Variants in NRF1 observed in about 807,000 individuals in gnomAD.
NRF1 encodes the protein nuclear respiratory factor 1.
NRF1 carries 5 observed loss-of-function variants against 58.5 expected under a neutral mutation model. The observed-to-expected ratio is 0.09, with a 90% CI of 0.04 to 0.18. The LOEUF (loss-of-function observed/expected upper bound fraction) is 0.18. Among genes scored for constraint, NRF1 ranks in the 10% least tolerant of loss-of-function variants. The pLI, the probability that NRF1 is intolerant of heterozygous loss-of-function variation, is 1.00. For synonymous variants in NRF1, 224 were observed against 246.7 expected (o/e 0.91, Z 0.86); for missense variants, 288 against 657.7 (o/e 0.44, Z 6.15).
chr7:129,740,407 TAGGGCC>T (rs1246289655), intron 10 of NRF1, among the ~76,000 whole-genome samples: 4 of 152,216 alleles, frequency 2.6e-5, no homozygotes, highest in Non-Finnish European at 1.5e-5. Context: ...CACATATGCT[TAGGGCC>T]AGGGCCAGTG....
intron 5 of NRF1, among the ~76,000 whole-genome samples, chr7:129,691,361 A>ATTTTTTTTTTTTTTTTTT (rs752895743): frequency 1.1e-5 from 1 of 90,884 alleles, no homozygotes; most frequent in Non-Finnish European, 2.2e-5. Context: ...TATTATTATT[A>ATTTTTTTTTTTTTTTTTT]TTATTTTTTT....
chr7:129,640,798 CACAATTTGGAAAATGAGA>C lies in NRF1; in HGVS notation c.-6-16544_-6-16527del, dbSNP rs373515081. Among the ~76,000 whole-genome samples, 512 of 152,204 alleles carry C rather than the reference CACAATTTGGAAAATGAGA, an allele frequency of 3.4e-3. 1 individual carries two copies. The highest frequency in any genetic ancestry group is 0.012 in the African/African-American group (479 of 41,506). On this transcript the variant is annotated intron_variant, in intron 1 of 10. Transcript: ENST00000393232. The stretch of plus-strand genomic sequence containing the variant: ...GGTAACTCACTGGGTCTTTCTTGGT[CACAATTTGGAAAATGAGA>C]ACATCAAACTAGTCTCCAAAGTCTT...
At chr7:129,619,409 TATATATATATATATATATATATATACAC>T (rs1800725968) in intron 1 of NRF1, among the ~76,000 whole-genome samples, 1 of 93,576 alleles carries the variant, frequency 1.1e-5, no homozygotes, top group African/African-American at 5.9e-5. Flanking sequence ...TATATATATA[TATATATATATATATATATATATATACAC>T]ACACACACAC....
intron 4 of NRF1, among the ~76,000 whole-genome samples, chr7:129,683,272 T>C (rs944383707): frequency 1.3e-5 from 2 of 148,762 alleles, no homozygotes; most frequent in Non-Finnish European, 1.5e-5. Flanking sequence ...AAGAAAAAAA[T>C]TTCAATCATG....
chr7:129,689,561 A>G (rs543755008), intron 4 of NRF1, among the ~76,000 whole-genome samples: 2 of 152,328 alleles, frequency 1.3e-5, no homozygotes, highest in African/African-American at 4.8e-5. Context: ...CCAGGCATTC[A>G]GATGAACCCA....
In NRF1 at chr7:129,617,575, C is replaced by T. The variant is rs114196450; in HGVS notation, c.-7+5751C>T. Among the ~76,000 whole-genome samples the T allele has an allele frequency of 7.6e-3, 1,161 of 152,288 alleles. 16 individuals carry two copies. Among genetic ancestry groups the T allele is most frequent in the African/African-American group, 0.027 (1,105 of 41,538 alleles). ...ACGATGATTAAAGATATACCACATT[C>T]TGGGCATGTACTAGGTGCTAGAGTA... is the stretch of plus-strand genomic sequence containing the variant. On this transcript the variant is annotated intron_variant, in intron 1 of 10. Coordinates refer to ENST00000393232, the MANE Select transcript of NRF1 (RefSeq NM_005011.5).
chr7:129,642,274 G>A (rs762559290), intron 1 of NRF1, among the ~76,000 whole-genome samples: 11 of 152,014 alleles, frequency 7.2e-5, no homozygotes, highest in African/African-American at 1.4e-4. Flanking sequence ...GTGAGCCACC[G>A]CGCCCAGCCA....
chr7:129,660,551 G>A (rs1801756683), intron 2 of NRF1, among the ~76,000 whole-genome samples: 1 of 150,860 alleles, frequency 6.6e-6, no homozygotes, highest in Non-Finnish European at 1.5e-5. Flanking sequence ...AAGGGCTACA[G>A]GCCCCATGCA....
At chr7:129,624,871 G>A (rs528042362) in intron 1 of NRF1, among the ~76,000 whole-genome samples, 4 of 152,080 alleles carry the variant, frequency 2.6e-5, no homozygotes, top group Admixed American at 6.5e-5. Context: ...TGTCCGAGTC[G>A]TCCCTATTTT....
chr7:129,635,660 C>CT (rs911027592), intron 1 of NRF1, among the ~76,000 whole-genome samples: 1 of 152,104 alleles, frequency 6.6e-6, no homozygotes, highest in African/African-American at 2.4e-5. Flanking sequence ...GGGGTGGAAT[C>CT]TTTTTTTGTT....
intron 10 of NRF1, among the ~76,000 whole-genome samples, chr7:129,729,620 A>G (rs1312494145): frequency 2.6e-5 from 4 of 152,258 alleles, no homozygotes; most frequent in African/African-American, 7.2e-5. Context: ...TGGGAATCCA[A>G]AGAATGAATC....
chr7:129,661,557 A>C (rs574402621), intron 2 of NRF1, among the ~76,000 whole-genome samples: 9 of 151,040 alleles, frequency 6.0e-5, no homozygotes, highest in Non-Finnish European at 1.0e-4. Flanking sequence ...GGCAGGGGCA[A>C]AATGCCACCA....
chr7:129,745,497 T>TCCCCCCCCACCCC (rs1554417756), intron 10 of NRF1, among the ~76,000 whole-genome samples: 1 of 78,130 alleles, frequency 1.3e-5, no homozygotes, highest in Non-Finnish European at 2.8e-5. Context: ...CCCCAAACCA[T>TCCCCCCCCACCCC]CCCCCTCAAC....
chr7:129,663,532 G>A (rs1367165140), intron 2 of NRF1, among the ~76,000 whole-genome samples: 6 of 151,222 alleles, frequency 4.0e-5, no homozygotes, highest in African/African-American at 1.5e-4. Flanking sequence ...CCCAGACGGG[G>A]TGGCCGGGCA....
At chr7:129,626,342 G>A (rs779491182) in intron 1 of NRF1, among the ~76,000 whole-genome samples, 2 of 152,154 alleles carry the variant, frequency 1.3e-5, no homozygotes, top group Admixed American at 6.5e-5. Flanking sequence ...AGGCTGCAGT[G>A]GCTCCGATTT....
At chr7:129,660,280 TTATTC>T (rs1801750697) in intron 2 of NRF1, among the ~76,000 whole-genome samples, 2 of 150,332 alleles carry the variant, frequency 1.3e-5, no homozygotes, top group African/African-American at 5.0e-5. Flanking sequence ...CCAAACCATA[TTATTC>T]CACCCCTGGC....
In NRF1 at chr7:129,703,665, A is replaced by AC. The variant is rs563114484; in HGVS notation, c.607-5409dup. Among the ~76,000 whole-genome samples, 332 of 152,334 alleles carry AC rather than the reference A, an allele frequency of 2.2e-3. 1 individual carries two copies. The highest frequency in any genetic ancestry group is 7.0e-3 in the African/African-American group (290 of 41,576). ...TTCCCAAAATGTACACACCTGAAAA[A>AC]CAAACTCTTATAGTAGAAAATACCT... On this transcript the variant is annotated intron_variant, in intron 5 of 10. Coordinates refer to ENST00000393232, the MANE Select transcript of NRF1 (RefSeq NM_005011.5).
chr7:129,709,659 A>G (rs1803025823), intron 6 of NRF1, among the ~76,000 whole-genome samples: 1 of 152,138 alleles, frequency 6.6e-6, no homozygotes, highest in African/African-American at 2.4e-5. Flanking sequence ...AACTTTTACA[A>G]GAAAGACTAA....
Position 129,727,216 on chromosome 7 carries a change from C to T in NRF1, c.1224-25C>T, listed in dbSNP as rs368258850. The T allele has an allele frequency of 6.4e-6, 10 of 1,565,510 alleles. No homozygotes were observed. The African/African-American group carries it at 1.3e-4, about 20-fold the overall frequency. ...CAGTGCTGTTCCTCTATTCATCATC[C>T]TCTCTCCTGTTCCTGTGCCCGCAGC... On this transcript the variant is annotated intron_variant, in intron 9 of 10. Transcript: ENST00000393232.
Sources: gnomAD v4.1 joint callset for allele counts (sites outside exome capture counted in the v4.1 genomes callset) on GRCh38, gnomAD v4.1.1 for gene constraint, MANE v1.5 for transcripts, NCBI Gene and HGNC (gene_info 2026-07-23, HGNC 2026-07-21) for gene names.